CBR4: variants seen among roughly 807,000 people sequenced by gnomAD.
CBR4 encodes the protein carbonyl reductase 4, also known as 3-oxoacyl-[acyl-carrier-protein] reductase.
In CBR4, 22 loss-of-function variants were observed where a neutral mutation model predicts 21.0. That is an observed-to-expected ratio of 1.05 (90% CI 0.75 to 1.50). The LOEUF is 1.50. CBR4 is among the 40% of genes most tolerant of loss of function. The pLI, the probability that CBR4 is intolerant of heterozygous loss-of-function variation, is 0.00. For synonymous variants in CBR4, 100 were observed against 104.4 expected (o/e 0.96, Z 0.26); for missense variants, 302 against 286.3 (o/e 1.05, Z -0.40).
At chr4:168,899,996 C>G (rs1411641670) in intron 2 of CBR4, among the ~76,000 whole-genome samples, 2 of 152,038 alleles carry the variant, frequency 1.3e-5, no homozygotes, top group African/African-American at 4.8e-5. Context: ...GTACCAGAAT[C>G]TTCTCCTGGT....
intron 2 of CBR4, among the ~76,000 whole-genome samples, chr4:168,956,137 A>T (rs541979272): frequency 5.9e-5 from 9 of 152,324 alleles, no homozygotes; most frequent in Non-Finnish European, 1.2e-4. Context: ...CTCAGAACCC[A>T]TATGTTTCAG....
intron 4 of CBR4, among the ~76,000 whole-genome samples, chr4:168,998,448 T>C (rs919568945): frequency 6.6e-6 from 1 of 152,180 alleles, no homozygotes; most frequent in African/African-American, 2.4e-5. Flanking sequence ...AAATATTACA[T>C]GATTCAATTT....
At chr4:168,924,134 C>G (rs1465492720) in intron 2 of CBR4, 3 of 822,578 alleles carry the variant, frequency 3.6e-6, no homozygotes, top group Admixed American at 4.2e-5. Flanking sequence ...CATCTTACCA[C>G]CTGGAGTAAA....
At chr4:168,995,001 G>A (rs142350390) in intron 4 of CBR4, among the ~76,000 whole-genome samples, 1 of 152,186 alleles carries the variant, frequency 6.6e-6, no homozygotes, top group African/African-American at 2.4e-5. Flanking sequence ...TGATCAGCCT[G>A]CCTTGGTCTC....
At chr4:168,990,821 G>A (rs1279712960) in intron 4 of CBR4, among the ~76,000 whole-genome samples, 3 of 152,092 alleles carry the variant, frequency 2.0e-5, no homozygotes, top group African/African-American at 7.2e-5. Context: ...GGGAGGCCGA[G>A]GTGGGCAGAT....
intron 3 of CBR4, among the ~76,000 whole-genome samples, chr4:169,006,070 A>T (rs1730888133): frequency 6.6e-6 from 1 of 152,226 alleles, no homozygotes; most frequent in African/African-American, 2.4e-5. Context: ...TGAACTGAAA[A>T]CTAGGGGTTA....
At chr4:168,934,967 C>A (rs535792311) in intron 2 of CBR4, among the ~76,000 whole-genome samples, 1 of 152,288 alleles carries the variant, frequency 6.6e-6, no homozygotes, top group South Asian at 2.1e-4. Context: ...AACATCACAT[C>A]AGAAAGATCA....
At chr4:168,956,373 A>G (rs1763684083) in intron 2 of CBR4, among the ~76,000 whole-genome samples, 1 of 151,950 alleles carries the variant, frequency 6.6e-6, no homozygotes. Context: ...TGGGAGGCCA[A>G]GGCAGGAGCC....
At chr4:168,957,097 T>TGAG (rs1437146112) in intron 2 of CBR4, among the ~76,000 whole-genome samples, 1 of 152,170 alleles carries the variant, frequency 6.6e-6, no homozygotes, top group Non-Finnish European at 1.5e-5. Context: ...GATTTAAAGA[T>TGAG]GAGGCATAGA....
At chr4:168,912,924 GT>G (rs1300881972) in intron 2 of CBR4, among the ~76,000 whole-genome samples, 1 of 151,888 alleles carries the variant, frequency 6.6e-6, no homozygotes, top group Non-Finnish European at 1.5e-5. Context: ...CAAAATATAG[GT>G]TTTTTTAATT....
intron 2 of CBR4, among the ~76,000 whole-genome samples, chr4:168,916,830 C>T (rs1200707294): frequency 5.3e-5 from 8 of 151,534 alleles, no homozygotes; most frequent in African/African-American, 1.7e-4. Flanking sequence ...GCCACCAGGC[C>T]CAGCTAATTT....
At chr4:168,926,200 T>C (rs1322010330) in intron 2 of CBR4, 2 of 1,506,668 alleles carry the variant, frequency 1.3e-6, no homozygotes, top group Non-Finnish European at 1.8e-6. Context: ...TAATTTACTC[T>C]TTTTCTTTGT....
chr4:168,950,949 T>C (rs916144687), intron 2 of CBR4, among the ~76,000 whole-genome samples: 4 of 152,200 alleles, frequency 2.6e-5, no homozygotes, highest in East Asian at 1.9e-4. Context: ...AATGCCTTTT[T>C]CCCCCGCTTT....
At chr4:168,982,712 A>C (rs980964398), downstream of CBR4, among the ~76,000 whole-genome samples, 8 of 152,166 alleles carry the variant, frequency 5.3e-5, no homozygotes, top group Non-Finnish European at 1.0e-4. Flanking sequence ...AAATCATACC[A>C]ACCTCACTCT....
chr4:168,963,470 CT>C (rs398064262), intron 2 of CBR4, among the ~76,000 whole-genome samples: 13,482 of 137,326 alleles, frequency 0.098, 544 homozygotes, highest in Middle Eastern at 0.21. Flanking sequence ...CTGTATAAAT[CT>C]TTTTTTTTTT....
At chr4:168,958,817 C>T (rs1323415280) in intron 2 of CBR4, among the ~76,000 whole-genome samples, 1 of 152,158 alleles carries the variant, frequency 6.6e-6, no homozygotes, top group Non-Finnish European at 1.5e-5. Context: ...AGCATCTTTT[C>T]ACATATCTAC....
chr4:168,991,689 T>C (rs189654489), intron 4 of CBR4, among the ~76,000 whole-genome samples: 81 of 152,306 alleles, frequency 5.3e-4, no homozygotes, highest in African/African-American at 1.9e-3. Flanking sequence ...ACAAGATTAA[T>C]ACAGGACATA....
rs1764736335 is a variant in CBR4, at chr4:168,987,707, A to G, written c.*2443T>C. Reference sequence around the variant, plus strand: ...AAATCTTAGAAAAAATGTTTCACCAATGTTAAGGTACAACTCTTGAATATG... The same window carrying G: ...AAATCTTAGAAAAAATGTTTCACCAGTGTTAAGGTACAACTCTTGAATATG... On this transcript the variant is annotated 3_prime_UTR_variant, in exon 5 of 5. Coordinates refer to ENST00000306193, the MANE Select transcript of CBR4 (RefSeq NM_032783.5). 1 of 983,926 alleles carries G rather than the reference A, an allele frequency of 1.0e-6. No homozygotes were observed. The highest frequency in any genetic ancestry group is 1.7e-5 in the African/African-American group (1 of 57,178). 60.9% of individuals were successfully genotyped at this position (983,926 alleles called of 1,614,324 possible).
intron 2 of CBR4, among the ~76,000 whole-genome samples, chr4:168,977,667 CTCCTA>C (rs1330864736): frequency 6.6e-6 from 1 of 152,208 alleles, no homozygotes; most frequent in Non-Finnish European, 1.5e-5. Flanking sequence ...TACTTGATGT[CTCCTA>C]TCCTATCTCC....
Sources: allele counts gnomAD v4.1 joint callset (sites outside exome capture counted in the v4.1 genomes callset), GRCh38; gene constraint gnomAD v4.1.1; transcripts MANE v1.5; gene names NCBI Gene and HGNC (gene_info 2026-07-23, HGNC 2026-07-21).